ZFAND3: variants seen among roughly 807,000 people sequenced by gnomAD.
ZFAND3 encodes the protein AN1-type zinc finger protein 3.
In ZFAND3, 10 loss-of-function variants were observed where a neutral mutation model predicts 29.6. That is an observed-to-expected ratio of 0.34 (90% CI 0.21 to 0.57). The LOEUF (loss-of-function observed/expected upper bound fraction) is 0.57. Among genes scored for constraint, ZFAND3 ranks in the 20% least tolerant of loss-of-function variants. ZFAND3 has a pLI of 0.86. For synonymous variants in ZFAND3, 128 were observed against 112.6 expected (o/e 1.14, Z -0.87); for missense variants, 230 against 304.5 (o/e 0.76, Z 1.82).
rs572881928 is a variant in ZFAND3 at position 37,839,396 on chromosome 6, G to A, written c.71+19380G>A. ...GGGGTTTCACCGTGTTAGCTGGGATGGTCTCGATCTCCTGACCTCAAGTGA... is the reference window on the plus strand; with the variant it reads ...GGGGTTTCACCGTGTTAGCTGGGATAGTCTCGATCTCCTGACCTCAAGTGA... On this transcript the variant is annotated intron_variant, in intron 1 of 5. Coordinates refer to ENST00000287218, the MANE Select transcript of ZFAND3 (RefSeq NM_021943.3). 1.4e-4 allele frequency among the ~76,000 whole-genome samples: 21 copies of A among 152,150 alleles called. No individual in the cohort carries two copies. The South Asian group carries it at 3.5e-3, about 26-fold the overall frequency.
rs1200006917 is a variant in ZFAND3, at chr6:37,819,745, C to T, written c.-201C>T. On this transcript the variant is annotated 5_prime_UTR_variant, in exon 1 of 6. Transcript: ENST00000287218. ...CCGCCCCCTCCCCGTCTCCGCAGGC[C>T]GAGTGGTGCGGCCCGCCTCCAGCTG... 4.6e-6 allele frequency: 1 copy of T among 216,426 alleles called. No homozygotes were observed. Among genetic ancestry groups the T allele is most frequent in the Non-Finnish European group, 8.7e-6 (1 of 114,722 alleles). The allele number at this position is 216,426 out of a possible 1,614,324, so 13.4% of individuals were successfully genotyped here.
intron 1 of ZFAND3, among the ~76,000 whole-genome samples, chr6:37,919,901 C>T (rs1478029372): frequency 6.6e-6 from 1 of 152,190 alleles, no homozygotes; most frequent in Non-Finnish European, 1.5e-5. Context: ...ATGAGAACTT[C>T]ACTGTCTCAG....
In ZFAND3 at chr6:38,112,686, T is replaced by A. The variant is rs1416605882; in HGVS notation, c.362-3886T>A. Among the ~76,000 whole-genome samples, 4 of 152,340 alleles carry A rather than the reference T, an allele frequency of 2.6e-5. No homozygotes were observed. The East Asian group carries it at 7.7e-4, about 29-fold the overall frequency. ...TTTGGATTTTTTTTTCCTGGTAGTC[T>A]TTTTCTAATTGACATAAAACTTACA... is the stretch of plus-strand genomic sequence containing the variant. On this transcript the variant is annotated intron_variant, in intron 4 of 5. Transcript: ENST00000287218.
intron 3 of ZFAND3, among the ~76,000 whole-genome samples, chr6:38,080,589 A>G (rs1011280055): frequency 1.3e-5 from 2 of 152,122 alleles, no homozygotes; most frequent in Non-Finnish European, 2.9e-5. Flanking sequence ...TGTTTTGTTA[A>G]AGAAACCGAG....
chr6:37,831,617 G>A (rs1427251625), intron 1 of ZFAND3, among the ~76,000 whole-genome samples: 1 of 152,186 alleles, frequency 6.6e-6, no homozygotes, highest in Non-Finnish European at 1.5e-5. Flanking sequence ...AACTGAGGGC[G>A]GCCAGGAGAG....
intron 5 of ZFAND3, among the ~76,000 whole-genome samples, 170 bp from the exon 6 acceptor site, chr6:38,152,065 C>G (rs1348267441): frequency 1.3e-5 from 2 of 152,178 alleles, no homozygotes; most frequent in Non-Finnish European, 2.9e-5. Context: ...CCTCTTGCTC[C>G]AGGGTGCAGG....
intron 2 of ZFAND3, among the ~76,000 whole-genome samples, chr6:38,053,074 C>T (rs1291103674): frequency 5.3e-5 from 8 of 151,062 alleles, no homozygotes; most frequent in East Asian, 2.0e-4. Flanking sequence ...AATAGCACTT[C>T]GTGTTGAGAA....
intron 2 of ZFAND3, among the ~76,000 whole-genome samples, chr6:38,042,731 G>T (rs1372233485): frequency 6.6e-6 from 1 of 152,162 alleles, no homozygotes; most frequent in Non-Finnish European, 1.5e-5. Context: ...TGCCATTCAG[G>T]ACTAATAGTT....
intron 5 of ZFAND3, among the ~76,000 whole-genome samples, chr6:38,138,023 C>G (rs928371346): frequency 6.6e-6 from 1 of 151,868 alleles, no homozygotes; most frequent in Non-Finnish European, 1.5e-5. Flanking sequence ...AAAAATATTC[C>G]CCTGGAGAGC....
Position 37,918,512 on chromosome 6 carries a change from A to G in ZFAND3, c.72-11447A>G, listed in dbSNP as rs114359881. ...TGTAACTCTATTATCTCCCAGGTTTATGTCTCATTTTCTGACAAGGAAAGA... is the reference window on the plus strand; with the variant it reads ...TGTAACTCTATTATCTCCCAGGTTTGTGTCTCATTTTCTGACAAGGAAAGA... On this transcript the variant is annotated intron_variant, in intron 1 of 5. Coordinates refer to ENST00000287218, the MANE Select transcript of ZFAND3 (RefSeq NM_021943.3). Among the ~76,000 whole-genome samples, 556 of 152,204 alleles carry G rather than the reference A, an allele frequency of 3.7e-3. 3 individuals are homozygous for G. The highest frequency in any genetic ancestry group is 0.014 in the Middle Eastern group (4 of 294).
chr6:37,888,859 G>T (rs1045930108), intron 1 of ZFAND3, among the ~76,000 whole-genome samples: 1 of 152,174 alleles, frequency 6.6e-6, no homozygotes, highest in Non-Finnish European at 1.5e-5. Context: ...ATTCAATTAA[G>T]TGCAAACTTA....
In ZFAND3 at chr6:38,039,851, G is replaced by T. The variant is rs187573874; in HGVS notation, c.113-21742G>T. On this transcript the variant is annotated intron_variant, in intron 2 of 5. Transcript: ENST00000287218. ...ACTAATATTAAAATGAATTCTAAATGGTGGACCAAGTGGTTATTAGGCATG... is the reference window on the plus strand; with the variant it reads ...ACTAATATTAAAATGAATTCTAAATTGTGGACCAAGTGGTTATTAGGCATG... Among the ~76,000 whole-genome samples, 74 of 152,160 alleles carry T rather than the reference G, an allele frequency of 4.9e-4. No homozygotes were observed. The East Asian group carries it at 0.011, about 23-fold the overall frequency.
chr6:38,083,290 A>T (rs1328115306), intron 4 of ZFAND3, among the ~76,000 whole-genome samples: 1 of 152,120 alleles, frequency 6.6e-6, no homozygotes, highest in Non-Finnish European at 1.5e-5. Flanking sequence ...AGTCAGGCCC[A>T]TGTTTGCATA....
At chr6:38,135,666 A>G (rs1378561700) in intron 5 of ZFAND3, among the ~76,000 whole-genome samples, 5 of 152,302 alleles carry the variant, frequency 3.3e-5, no homozygotes, top group Non-Finnish European at 7.4e-5. Flanking sequence ...AATCGCTGGA[A>G]TCTGGGAGTT....
chr6:37,859,495 T>C (rs953681796), intron 1 of ZFAND3, among the ~76,000 whole-genome samples: 2 of 152,262 alleles, frequency 1.3e-5, no homozygotes, highest in African/African-American at 2.4e-5. Context: ...AAATAGTATA[T>C]TGTATGTTAC....
chr6:38,135,316 A>G (rs567456636), intron 5 of ZFAND3, among the ~76,000 whole-genome samples: 33 of 152,384 alleles, frequency 2.2e-4, no homozygotes, highest in Admixed American at 1.7e-3. Context: ...TGTTAGCCCT[A>G]TAGTTCATTG....
chr6:38,081,991 C>G (rs1469715034), intron 3 of ZFAND3, among the ~76,000 whole-genome samples: 2 of 152,090 alleles, frequency 1.3e-5, no homozygotes, highest in Non-Finnish European at 1.5e-5. Context: ...AGAGTGACTG[C>G]TGAGAAACCA....
chr6:38,005,777 A>G lies in ZFAND3; in HGVS notation c.113-55816A>G, dbSNP rs76736318. On this transcript the variant is annotated intron_variant, in intron 2 of 5. Coordinates refer to ENST00000287218, the MANE Select transcript of ZFAND3 (RefSeq NM_021943.3). ...TTAAAACAGTATTGAAAACATTACT[A>G]TGTTTTTATACTTCTTCACTGTGTA... Among the ~76,000 whole-genome samples, 7 of 152,332 alleles carry G rather than the reference A, an allele frequency of 4.6e-5. No homozygotes were observed. The East Asian group carries it at 1.2e-3, about 25-fold the overall frequency.
intron 1 of ZFAND3, among the ~76,000 whole-genome samples, chr6:37,866,182 A>C (rs1470795838): frequency 1.3e-5 from 2 of 152,164 alleles, no homozygotes; most frequent in Non-Finnish European, 2.9e-5. Flanking sequence ...TCCCAGGTGG[A>C]TAGTAGGAGA....
Sources: gnomAD v4.1 joint callset for allele counts (sites outside exome capture counted in the v4.1 genomes callset) on GRCh38, gnomAD v4.1.1 for gene constraint, MANE v1.5 for transcripts, NCBI Gene and HGNC (gene_info 2026-07-23, HGNC 2026-07-21) for gene names.